Variants in MED12L observed in about 807,000 individuals in gnomAD.
MED12L encodes the protein mediator of RNA polymerase II transcription subunit 12-like protein.
A neutral mutation model predicts 281.3 loss-of-function variants in MED12L; 60 were observed. The observed-to-expected ratio is 0.21, with a 90% confidence interval of 0.17 to 0.26. The LOEUF is 0.26. Among genes scored for constraint, MED12L ranks in the 10% least tolerant of loss-of-function variants. The pLI is 1.00. For synonymous variants in MED12L, 974 were observed against 987.2 expected, an observed-to-expected ratio of 0.99 and a Z score of 0.25; for missense variants, 2,146 against 2,680.9, an observed-to-expected ratio of 0.80 and a Z score of 4.41.
chr3:151,182,415 A>G (rs1722811876), intron 11 of MED12L, among the ~76,000 whole-genome samples: 1 of 152,196 alleles, frequency 6.6e-6, no homozygotes, highest in African/African-American at 2.4e-5. Context: ...TAAAATTATA[A>G]ATAAGTGAAG....
chr3:151,133,297 C>T (rs575008131), intron 5 of MED12L, among the ~76,000 whole-genome samples: 119 of 152,272 alleles, frequency 7.8e-4, no homozygotes, highest in Admixed American at 2.7e-3. Context: ...CTCACAGCAA[C>T]AAGGAGCAAC....
intron 16 of MED12L, among the ~76,000 whole-genome samples, chr3:151,292,493 T>C (rs146582774): frequency 0.11 from 16,822 of 151,908 alleles, 1,226 homozygotes; most frequent in Middle Eastern, 0.18. Flanking sequence ...TTCACCATGT[T>C]GGTCAGGCTG....
intron 1 of MED12L, 184 bp from the exon 2 acceptor site, chr3:151,086,614 G>A (rs1424858868): frequency 7.9e-6 from 2 of 254,574 alleles, no homozygotes; most frequent in Non-Finnish European, 1.5e-5. Flanking sequence ...AGGTAGGGGG[G>A]AGCAGAGGAG....
chr3:151,282,092 C>T (rs1742892096), intron 16 of MED12L, among the ~76,000 whole-genome samples: 1 of 152,174 alleles, frequency 6.6e-6, no homozygotes. Context: ...TTCATTGTTA[C>T]TGCCCTTCCC....
intron 39 of MED12L, among the ~76,000 whole-genome samples, chr3:151,396,960 A>G (rs1390981697): frequency 6.6e-6 from 1 of 152,190 alleles, no homozygotes; most frequent in Non-Finnish European, 1.5e-5. Flanking sequence ...GGGGAAGTGT[A>G]CCTTGATGAC....
At chr3:151,215,547 C>A (rs1224915166) in intron 16 of MED12L, among the ~76,000 whole-genome samples, 1 of 152,160 alleles carries the variant, frequency 6.6e-6, no homozygotes, top group Non-Finnish European at 1.5e-5. Context: ...TTGCACAGTG[C>A]TGTGCTAGGT....
intron 13 of MED12L, 135 bp downstream of exon 13, chr3:151,188,615 T>C (rs1030553565): frequency 3.7e-6 from 3 of 800,470 alleles, no homozygotes; most frequent in Admixed American, 2.8e-5. Flanking sequence ...CTGAGCAAAA[T>C]TTTGTGGCAT....
At chr3:151,415,779 C>T (rs565681362) in intron 42 of MED12L, among the ~76,000 whole-genome samples, 40 of 152,146 alleles carry the variant, frequency 2.6e-4, no homozygotes, top group Non-Finnish European at 4.3e-4. Context: ...TGTGTTTGAG[C>T]CAACCCTGTT....
chr3:151,099,370 T>C (rs181353322), intron 2 of MED12L, among the ~76,000 whole-genome samples: 29 of 152,334 alleles, frequency 1.9e-4, no homozygotes, highest in Admixed American at 7.8e-4. Flanking sequence ...CAATAATTAC[T>C]GTGTTAGAAA....
intron 16 of MED12L, among the ~76,000 whole-genome samples, chr3:151,298,263 T>A (rs917068229): frequency 6.6e-6 from 1 of 152,212 alleles, no homozygotes; most frequent in African/African-American, 2.4e-5. Context: ...AGTGAATGGC[T>A]TTCTTCACCC....
chr3:151,246,022 T>A (rs1735373779), intron 16 of MED12L, among the ~76,000 whole-genome samples: 1 of 150,880 alleles, frequency 6.6e-6, no homozygotes, highest in African/African-American at 2.4e-5. Flanking sequence ...CATTCACAAT[T>A]GCTTCAAAGA....
chr3:151,262,194 T>A (rs1739041931), intron 16 of MED12L, among the ~76,000 whole-genome samples: 1 of 152,244 alleles, frequency 6.6e-6, no homozygotes, highest in Admixed American at 6.5e-5. Context: ...TCATGAACTC[T>A]CCTGATTAAG....
intron 23 of MED12L, among the ~76,000 whole-genome samples, chr3:151,367,387 G>C (rs1388619): frequency 6.6e-6 from 1 of 152,176 alleles, no homozygotes; most frequent in East Asian, 1.9e-4. Flanking sequence ...TTTTGTTGTT[G>C]TGTTTTTCAT....
intron 16 of MED12L, among the ~76,000 whole-genome samples, chr3:151,295,796 T>G (rs1188343232): frequency 2.6e-5 from 4 of 152,226 alleles, no homozygotes; most frequent in Non-Finnish European, 4.4e-5. Context: ...AGAAAATGTC[T>G]TGGCATTTTT....
chr3:151,374,425 G>A (rs79795513), intron 27 of MED12L, among the ~76,000 whole-genome samples: 1 of 152,116 alleles, frequency 6.6e-6, no homozygotes, highest in Admixed American at 6.5e-5. Flanking sequence ...GCACATGCCT[G>A]TCATCCCAGC....
intron 28 of MED12L, 69 bp downstream of exon 28, chr3:151,376,283 C>G (rs964168387): frequency 2.1e-5 from 25 of 1,203,616 alleles, no homozygotes; most frequent in African/African-American, 3.1e-5. Context: ...GAGTTACTTC[C>G]TCTCTTTTTT....
At chr3:151,294,847 C>T in intron 16 of MED12L, 2 of 1,614,012 alleles carry the variant, frequency 1.2e-6, no homozygotes, top group Non-Finnish European at 8.5e-7. Context: ...TGCTTATCAG[C>T]CCAAGGAACA....
At chr3:151,257,386 A>G (rs1038069521) in intron 16 of MED12L, among the ~76,000 whole-genome samples, 1 of 152,192 alleles carries the variant, frequency 6.6e-6, no homozygotes, top group Non-Finnish European at 1.5e-5. Flanking sequence ...ATATATCTGA[A>G]TGATTAAGAG....
intron 16 of MED12L, among the ~76,000 whole-genome samples, chr3:151,214,698 A>T (rs1727857005): frequency 6.6e-6 from 1 of 152,084 alleles, no homozygotes; most frequent in Non-Finnish European, 1.5e-5. Flanking sequence ...CTGGAGCAGC[A>T]GGGCAGTCTC....
Sources: allele counts gnomAD v4.1 joint callset (sites outside exome capture counted in the v4.1 genomes callset), GRCh38; gene constraint gnomAD v4.1.1; transcripts MANE v1.5; gene names NCBI Gene and HGNC (gene_info 2026-07-23, HGNC 2026-07-21).